Variants in CAP2 observed in about 807,000 individuals in gnomAD.
The protein encoded by CAP2 is cyclase associated actin cytoskeleton regulatory protein 2.
A neutral mutation model predicts 57.7 loss-of-function variants in CAP2; 24 were observed. The observed-to-expected ratio is 0.42, with a 90% CI of 0.30 to 0.58. The LOEUF is 0.58. Ranked by LOEUF, CAP2 falls within the 20% of genes least tolerant of loss-of-function variation. The pLI, the probability that CAP2 is intolerant of heterozygous loss-of-function variation, is 0.22. For missense variants in CAP2, 501 were observed against 590.3 expected, an observed-to-expected ratio of 0.85 and a Z score of 1.57; for synonymous variants, 194 against 207.2, an observed-to-expected ratio of 0.94 and a Z score of 0.55.
intron 1 of CAP2, among the ~76,000 whole-genome samples, chr6:17,410,365 G>A (rs1759107137): frequency 6.6e-6 from 1 of 152,156 alleles, no homozygotes; most frequent in Non-Finnish European, 1.5e-5. Flanking sequence ...CCAGGAGCCT[G>A]CATTTAAGAA....
At chr6:17,546,877 G>A (rs1012934121) in intron 11 of CAP2, among the ~76,000 whole-genome samples, 1 of 152,168 alleles carries the variant, frequency 6.6e-6, no homozygotes, top group Admixed American at 6.5e-5. Context: ...ATTAGGAAAA[G>A]AGGAAGTCAA....
At chr6:17,464,552 A>G (rs971523502) in intron 4 of CAP2, among the ~76,000 whole-genome samples, 1 of 152,184 alleles carries the variant, frequency 6.6e-6, no homozygotes, top group Non-Finnish European at 1.5e-5. Flanking sequence ...CCTGGGTCCC[A>G]ACCCAAGGGA....
intron 3 of CAP2, among the ~76,000 whole-genome samples, chr6:17,441,837 A>T (rs1034972649): frequency 6.6e-6 from 1 of 152,154 alleles, no homozygotes; most frequent in Admixed American, 6.5e-5. Flanking sequence ...CGGCCAACAG[A>T]TTTGAAATGT....
intron 11 of CAP2, among the ~76,000 whole-genome samples, chr6:17,547,684 A>G (rs1447687108): frequency 1.3e-5 from 2 of 151,994 alleles, no homozygotes; most frequent in African/African-American, 2.4e-5. Context: ...TACTAAAAAT[A>G]CAAAAAATAA....
chr6:17,551,468 T>C lies in CAP2; in HGVS notation c.1214T>C (p.Met405Thr), dbSNP rs1161773263. 6.2e-7 allele frequency: 1 copy of C among 1,601,652 alleles called. No homozygotes were observed. The highest frequency in any genetic ancestry group is 1.7e-5 in the Admixed American group (1 of 57,456). ...AGGTATTTTTTCCTATTTCAGGTAA[T>C]GGGGAGAGTGCCAACAATTTCCATT... ...INSQDIQIQV[M>T]GRVPTISINK... The change falls in exon 12 of 13, where the codon ATG (methionine) becomes ACG (threonine). Residue 405 changes from methionine to threonine, a missense_variant. Coordinates refer to ENST00000229922, the MANE Select transcript of CAP2 (RefSeq NM_006366.3).
chr6:17,539,020 G>A (rs1336380129), intron 7 of CAP2, among the ~76,000 whole-genome samples: 3 of 146,728 alleles, frequency 2.0e-5, no homozygotes, highest in Non-Finnish European at 3.0e-5. Flanking sequence ...TTGGCAGCAG[G>A]GCTCATTGCC....
At chr6:17,473,644 A>G (rs1340060955) in intron 4 of CAP2, among the ~76,000 whole-genome samples, 1 of 152,216 alleles carries the variant, frequency 6.6e-6, no homozygotes, top group Non-Finnish European at 1.5e-5. Flanking sequence ...ACAAAGCTGT[A>G]TATGTGAAAA....
intron 4 of CAP2, among the ~76,000 whole-genome samples, chr6:17,475,610 G>T (rs1761134224): frequency 6.6e-6 from 1 of 152,116 alleles, no homozygotes; most frequent in South Asian, 2.1e-4. Flanking sequence ...TGTCGCTCAA[G>T]CCTTCAATGA....
intron 4 of CAP2, among the ~76,000 whole-genome samples, chr6:17,481,563 T>C (rs1419602393): frequency 6.6e-6 from 1 of 152,236 alleles, no homozygotes; most frequent in East Asian, 1.9e-4. Context: ...TTACTAACCA[T>C]TTCCATTATA....
At position 17,513,742 on chromosome 6, in the gene CAP2, G is replaced by A. The variant is rs1762208517; in HGVS notation, c.531-107G>A. The A allele has an allele frequency of 9.7e-6, 7 of 723,856 alleles. No homozygotes were observed. Among genetic ancestry groups the A allele is most frequent in the South Asian group, 3.3e-5 (2 of 59,988 alleles). The allele number at this position is 723,856 out of a possible 1,614,324, so 44.8% of individuals were successfully genotyped here. A position where few individuals can be genotyped will look rare whatever the true frequency, so the allele number is the denominator to read the frequency against. ...CCTGGGTTGCAAGGACGATTGCTCC[G>A]GGCTCCAGGGCCCCTAGTCACTAGA... On this transcript the variant is annotated intron_variant, in intron 6 of 12. Transcript: ENST00000229922. The surrounding 1 kb of genome is among the most constrained non-coding windows in gnomAD (Gnocchi z 4.3).
intron 1 of CAP2, among the ~76,000 whole-genome samples, chr6:17,412,040 C>G (rs1759154020): frequency 6.6e-6 from 1 of 152,166 alleles, no homozygotes; most frequent in African/African-American, 2.4e-5. Flanking sequence ...TATGGTTTAT[C>G]CTGGCCCTGG....
chr6:17,526,819 T>C (rs570223727), intron 7 of CAP2, among the ~76,000 whole-genome samples: 3 of 151,884 alleles, frequency 2.0e-5, no homozygotes, highest in African/African-American at 4.8e-5. Context: ...TAGCCGGGCA[T>C]GGTGGCGCAT....
intron 3 of CAP2, among the ~76,000 whole-genome samples, chr6:17,461,545 G>C (rs1760719653): frequency 6.6e-6 from 1 of 151,080 alleles, no homozygotes; most frequent in Non-Finnish European, 1.5e-5. Context: ...GAAACTTTCT[G>C]CATTTAAAAA....
intron 7 of CAP2, chr6:17,530,818 C>G: frequency 1.9e-6 from 1 of 535,784 alleles, no homozygotes; most frequent in Admixed American, 3.5e-5. Context: ...TGGTCTCCCA[C>G]TTTTTTTTTT....
chr6:17,413,927 G>A lies in CAP2; in HGVS notation c.-1-7628G>A, dbSNP rs148915503. Among the ~76,000 whole-genome samples the A allele has an allele frequency of 7.1e-3, 1,080 of 152,078 alleles. 12 individuals are homozygous for A. Among genetic ancestry groups the A allele is most frequent in the African/African-American group, 0.024 (999 of 41,490 alleles). ...ACATTAGCCTGGCATGGTGGAGGGC[G>A]CCTGTAATTCCAGCTACTTGGGAGG... On this transcript the variant is annotated intron_variant, in intron 1 of 12. Transcript: ENST00000229922.
chr6:17,425,705 C>G (rs1004857545), intron 2 of CAP2, among the ~76,000 whole-genome samples: 1 of 152,000 alleles, frequency 6.6e-6, no homozygotes, highest in Non-Finnish European at 1.5e-5. Flanking sequence ...TCCCTGGGTC[C>G]GGAGGGAATG....
intron 3 of CAP2, among the ~76,000 whole-genome samples, chr6:17,445,253 T>C (rs1265154479): frequency 6.6e-6 from 1 of 152,134 alleles, no homozygotes; most frequent in Non-Finnish European, 1.5e-5. Context: ...ATTACAGGCA[T>C]GTGCCACCAC....
intron 4 of CAP2, among the ~76,000 whole-genome samples, chr6:17,506,376 G>A (rs933107133): frequency 5.9e-5 from 9 of 152,042 alleles, no homozygotes; most frequent in African/African-American, 2.2e-4. Flanking sequence ...AAAAGGGCTG[G>A]GTGTGGTGGC....
intron 3 of CAP2, among the ~76,000 whole-genome samples, chr6:17,444,257 A>G (rs181023479): frequency 9.2e-5 from 14 of 152,348 alleles, no homozygotes; most frequent in Non-Finnish European, 1.5e-4. Context: ...GGATGAATCA[A>G]ATTATTAAGG....
Sources: allele counts gnomAD v4.1 joint callset (sites outside exome capture counted in the v4.1 genomes callset), GRCh38; gene constraint gnomAD v4.1.1; non-coding constraint Gnocchi (gnomAD v3.1); transcripts MANE v1.5; gene names NCBI Gene and HGNC (gene_info 2026-07-23, HGNC 2026-07-21).